The following NCOA1 variants were observed in gnomAD, a reference collection of about 807,000 sequenced individuals.
NCOA1 encodes nuclear receptor coactivator 1, also known as Hin-2 protein.
Under a neutral mutation model 150.9 loss-of-function variants are expected in NCOA1, and 35 were observed. The observed-to-expected ratio is 0.23, with a 90% CI of 0.18 to 0.31. The LOEUF (loss-of-function observed/expected upper bound fraction) is 0.31. Ranked by LOEUF, NCOA1 falls within the 10% of genes least tolerant of loss-of-function variation. The pLI, the probability that NCOA1 is intolerant of heterozygous loss-of-function variation, is 1.00. For missense variants in NCOA1, 1,491 were observed against 1,749.3 expected (o/e 0.85, Z 2.63); for synonymous variants, 590 against 630.0 (o/e 0.94, Z 0.95).
chr2:24,716,696 G>A (rs1010764984), intron 14 of NCOA1, among the ~76,000 whole-genome samples: 42 of 152,114 alleles, frequency 2.8e-4, no homozygotes, highest in African/African-American at 7.7e-4. Context: ...ATTAGACTTC[G>A]TTAAATGTTA....
At chr2:24,670,322 G>A (rs769117194) in intron 6 of NCOA1, among the ~76,000 whole-genome samples, 11 of 152,212 alleles carry the variant, frequency 7.2e-5, no homozygotes, top group Non-Finnish European at 1.0e-4. Flanking sequence ...CCAGTTCTAG[G>A]TGTATCCCCA....
intron 4 of NCOA1, among the ~76,000 whole-genome samples, chr2:24,654,320 G>A (rs1246342247): frequency 1.3e-5 from 2 of 152,040 alleles, no homozygotes; most frequent in African/African-American, 4.8e-5. Context: ...CTTATTGTGT[G>A]TTCCTTCCTC....
intron 8 of NCOA1, among the ~76,000 whole-genome samples, chr2:24,690,548 A>T (rs1453582529): frequency 6.7e-6 from 1 of 150,026 alleles, no homozygotes; most frequent in Non-Finnish European, 1.5e-5. Context: ...GCTACTCAGG[A>T]GACTGAGGCA....
intron 8 of NCOA1, among the ~76,000 whole-genome samples, chr2:24,689,395 T>A (rs1378616422): frequency 6.6e-6 from 1 of 152,052 alleles, no homozygotes; most frequent in South Asian, 2.1e-4. Context: ...TCTGATTTCT[T>A]TGAGTAGTGT....
In NCOA1 at chr2:24,706,624, G is replaced by A. The variant is rs776205465; in HGVS notation, c.1154G>A (p.Arg385Gln). The A allele has an allele frequency of 6.5e-5, 105 of 1,613,922 alleles. No homozygotes were observed. The Admixed American group carries it at 6.8e-4, about 11-fold the overall frequency. ...DDTNSGMSIP[R>Q]VNPSVNPSIS... ...ACTAATTCTGGAATGTCAATTCCCC[G>A]AGTAAATCCCTCGGTCAATCCTAGT... The change falls in exon 13 of 23, where the codon CGA becomes CAA. Residue 385 changes from arginine (R) to glutamine (Q), a missense_variant. By Grantham distance (43) the Arg-to-Gln change is conservative (BLOSUM62 1). Coordinates refer to ENST00000348332, the MANE Select transcript of NCOA1 (RefSeq NM_003743.5).
At chr2:24,641,996 A>G (rs1670238720) in intron 3 of NCOA1, among the ~76,000 whole-genome samples, 2 of 129,162 alleles carry the variant, frequency 1.5e-5, no homozygotes, top group African/African-American at 6.1e-5. Context: ...TTGCCAGCAG[A>G]TTACAGAGGG....
intron 3 of NCOA1, among the ~76,000 whole-genome samples, chr2:24,593,545 G>C (rs990847084): frequency 1.3e-5 from 2 of 151,932 alleles, no homozygotes; most frequent in Non-Finnish European, 2.9e-5. Flanking sequence ...GTATACCTAT[G>C]TCCATACTCT....
intron 2 of NCOA1, among the ~76,000 whole-genome samples, chr2:24,575,834 A>C (rs1387629058): frequency 1.3e-5 from 2 of 152,056 alleles, no homozygotes; most frequent in South Asian, 4.1e-4. Flanking sequence ...GGGCCTCCCA[A>C]AGTGCTGGGA....
chr2:24,681,166 C>G (rs56070786), intron 7 of NCOA1, among the ~76,000 whole-genome samples: 4 of 151,668 alleles, frequency 2.6e-5, no homozygotes, highest in Non-Finnish European at 5.9e-5. Flanking sequence ...GAGTTTAAGA[C>G]CAACCTGGCC....
intron 2 of NCOA1, among the ~76,000 whole-genome samples, chr2:24,576,145 C>CTT (rs1666945159): frequency 5.9e-5 from 6 of 101,036 alleles, no homozygotes; most frequent in African/African-American, 9.3e-5. Context: ...ATTATTTGGC[C>CTT]TTTGTTTTTT....
At chr2:24,722,828 A>G (rs958303428) in intron 14 of NCOA1, among the ~76,000 whole-genome samples, 1 of 152,036 alleles carries the variant, frequency 6.6e-6, no homozygotes, top group African/African-American at 2.4e-5. Context: ...AACATGGGCA[A>G]AAAATACAAA....
chr2:24,671,862 C>A (rs972532197), intron 6 of NCOA1, among the ~76,000 whole-genome samples: 1 of 152,086 alleles, frequency 6.6e-6, no homozygotes, highest in African/African-American at 2.4e-5. Flanking sequence ...CCTTGCCTGG[C>A]CCATGTACTT....
chr2:24,497,113 G>T (rs1443515848), intron 1 of NCOA1, among the ~76,000 whole-genome samples: 1 of 152,172 alleles, frequency 6.6e-6, no homozygotes, highest in African/African-American at 2.4e-5. Context: ...CAAGGCTCAG[G>T]GAAGTTAAGT....
intron 14 of NCOA1, among the ~76,000 whole-genome samples, chr2:24,724,802 GATTGAGGA>G (rs147846354): frequency 0.011 from 1,744 of 152,132 alleles, 22 homozygotes; most frequent in Non-Finnish European, 0.018. Flanking sequence ...CTTGAAATAA[GATTGAGGA>G]ATTAACATGT....
intron 19 of NCOA1, among the ~76,000 whole-genome samples, chr2:24,745,267 T>C (rs1663847563): frequency 6.6e-6 from 1 of 150,918 alleles, no homozygotes; most frequent in Admixed American, 6.6e-5. Flanking sequence ...GTTCACGCCA[T>C]TCTCCTGCCT....
intron 3 of NCOA1, among the ~76,000 whole-genome samples, chr2:24,595,157 A>G (rs973200335): frequency 6.6e-6 from 1 of 152,080 alleles, no homozygotes; most frequent in Non-Finnish European, 1.5e-5. Context: ...CTTCAAAACC[A>G]TGTTTCTATT....
chr2:24,598,944 A>G (rs983940647), intron 3 of NCOA1, among the ~76,000 whole-genome samples: 17 of 152,174 alleles, frequency 1.1e-4, no homozygotes, highest in African/African-American at 3.9e-4. Context: ...TGTATGATGG[A>G]CTAGAGTGGT....
At chr2:24,762,847 C>G in intron 22 of NCOA1, 71 bp downstream of exon 22, 1 of 1,353,932 alleles carries the variant, frequency 7.4e-7, no homozygotes, top group Non-Finnish European at 1.1e-6. Flanking sequence ...TGTGTAGCAT[C>G]ATTAAGAGCC....
At chr2:24,545,728 C>G (rs539034316) in intron 1 of NCOA1, among the ~76,000 whole-genome samples, 26 of 152,318 alleles carry the variant, frequency 1.7e-4, no homozygotes, top group African/African-American at 6.3e-4. Context: ...TACTTGTACT[C>G]TTTACGTATG....
Sources: gnomAD v4.1 joint callset for allele counts (sites outside exome capture counted in the v4.1 genomes callset) on GRCh38, gnomAD v4.1.1 for gene constraint, MANE v1.5 for transcripts, NCBI Gene and HGNC (gene_info 2026-07-23, HGNC 2026-07-21) for gene names.